Variants in HYCC1 observed in about 807,000 individuals in gnomAD.
HYCC1 encodes hyccin PI4KA lipid kinase complex subunit 1.
the HYCC1 span, among the ~76,000 whole-genome samples, chr7:22,996,691 G>C: frequency 1.3e-5 from 2 of 148,718 alleles, no homozygotes; most frequent in South Asian, 4.2e-4. Flanking sequence ...GTAAAGCTTA[G>C]ATAGGACAAA....
the HYCC1 span, among the ~76,000 whole-genome samples, chr7:22,975,265 T>C: frequency 1.3e-5 from 2 of 151,914 alleles, no homozygotes; most frequent in East Asian, 1.9e-4. Context: ...ATTTAGAAAA[T>C]CACAAAAAAA....
At chr7:23,007,104 T>G in the HYCC1 span, among the ~76,000 whole-genome samples, 1 of 152,104 alleles carries the variant, frequency 6.6e-6, no homozygotes, top group Non-Finnish European at 1.5e-5. Flanking sequence ...TTTATTAAAA[T>G]AGCAAAAGAT....
the HYCC1 span, among the ~76,000 whole-genome samples, chr7:22,932,869 T>C: frequency 1.3e-5 from 2 of 152,126 alleles, no homozygotes; most frequent in African/African-American, 4.8e-5. Context: ...GCAGATGTAG[T>C]TAGCTAAGTT....
the HYCC1 span, chr7:22,936,262 C>G: frequency 1.3e-5 from 2 of 152,090 alleles, no homozygotes; most frequent in Admixed American, 1.3e-4. Context: ...CAATCTGCCA[C>G]TAACTATCTG....
At chr7:22,986,874 T>G in the HYCC1 span, among the ~76,000 whole-genome samples, 1 of 151,990 alleles carries the variant, frequency 6.6e-6, no homozygotes, top group African/African-American at 2.4e-5. Context: ...AACAACAAAA[T>G]TTGAAGACAG....
the HYCC1 span, among the ~76,000 whole-genome samples, chr7:23,000,812 G>A: frequency 6.6e-6 from 1 of 151,872 alleles, no homozygotes; most frequent in Non-Finnish European, 1.5e-5. Flanking sequence ...AAGAGCTGAG[G>A]GATAGACATC....
At chr7:22,983,068 C>T in the HYCC1 span, among the ~76,000 whole-genome samples, 1 of 152,050 alleles carries the variant, frequency 6.6e-6, no homozygotes, top group Admixed American at 6.6e-5. Context: ...GTGCCTCATG[C>T]TTGTAATCCC....
chr7:22,947,311 A>G, the HYCC1 span: 1 of 1,394,022 alleles, frequency 7.2e-7, no homozygotes, highest in Non-Finnish European at 9.8e-7. Context: ...GAAATGAGAA[A>G]AGCAAAAGAC....
the HYCC1 span, chr7:22,978,115 C>T: frequency 1.4e-6 from 1 of 703,536 alleles, no homozygotes; most frequent in Non-Finnish European, 2.4e-6. Flanking sequence ...TGTATGTCTC[C>T]CAATCCCCAG....
At chr7:22,998,831 C>T in the HYCC1 span, among the ~76,000 whole-genome samples, 1 of 152,162 alleles carries the variant, frequency 6.6e-6, no homozygotes, top group Non-Finnish European at 1.5e-5. Flanking sequence ...TCAGACCTCA[C>T]AAATCTTCTA....
chr7:22,930,165 G>A, the HYCC1 span, among the ~76,000 whole-genome samples: 1 of 139,638 alleles, frequency 7.2e-6, no homozygotes, highest in Non-Finnish European at 1.5e-5. Context: ...ACACAGGAAG[G>A]GGAACATCAC....
the HYCC1 span, among the ~76,000 whole-genome samples, chr7:22,904,206 C>T: frequency 2.0e-5 from 3 of 151,606 alleles, no homozygotes; most frequent in East Asian, 2.0e-4. Context: ...CCAAGGCGGG[C>T]GGATCACGAG....
At chr7:22,929,654 C>T in the HYCC1 span, among the ~76,000 whole-genome samples, 23 of 152,322 alleles carry the variant, frequency 1.5e-4, no homozygotes, top group African/African-American at 5.5e-4. Flanking sequence ...TACCATCTCA[C>T]ACCAGTTAGA....
chr7:22,900,383 G>T, the HYCC1 span, among the ~76,000 whole-genome samples: 1 of 152,188 alleles, frequency 6.6e-6, no homozygotes, highest in East Asian at 1.9e-4. Context: ...TTTCAGTGTA[G>T]ATGGATTCAT....
the HYCC1 span, among the ~76,000 whole-genome samples, chr7:22,999,031 T>C: frequency 1.4e-3 from 213 of 152,282 alleles, no homozygotes; most frequent in African/African-American, 4.8e-3. Flanking sequence ...ATGAAATGCA[T>C]GCATTGGCAA....
chr7:22,971,543 G>T, the HYCC1 span, among the ~76,000 whole-genome samples: 1 of 151,556 alleles, frequency 6.6e-6, no homozygotes, highest in East Asian at 1.9e-4. Context: ...GGGCATGGTG[G>T]CATTTGCCTG....
chr7:22,923,600 A>C, the HYCC1 span, among the ~76,000 whole-genome samples: 2 of 152,104 alleles, frequency 1.3e-5, no homozygotes, highest in Admixed American at 1.3e-4. Context: ...GAAAATAAAC[A>C]AAAAAGAAGT....
chr7:22,985,854 A>C, the HYCC1 span: 1 of 149,174 alleles, frequency 6.7e-6, no homozygotes, highest in Non-Finnish European at 1.5e-5. Context: ...CATTATATAT[A>C]TTTAAAACAC....
the HYCC1 span, among the ~76,000 whole-genome samples, chr7:22,965,624 AT>A: frequency 1.3e-5 from 2 of 150,580 alleles, no homozygotes; most frequent in Admixed American, 1.3e-4. Context: ...AGAAATATTT[AT>A]TTATTATTAT....
Sources: gnomAD v4.1 joint callset for allele counts (sites outside exome capture counted in the v4.1 genomes callset) on GRCh38, gnomAD v4.1.1 for gene constraint, MANE v1.5 for transcripts, NCBI Gene and HGNC (gene_info 2026-07-23, HGNC 2026-07-21) for gene names.